The following ECD variants were observed in gnomAD, a reference collection of about 807,000 sequenced individuals.
The protein encoded by ECD is protein ecdysoneless homolog.
A neutral mutation model predicts 77.2 loss-of-function variants in ECD; 59 were observed. The ratio of observed to expected loss-of-function variants is 0.76; its 90% CI spans 0.62 to 0.95. The LOEUF (loss-of-function observed/expected upper bound fraction) is 0.95. Ranked by LOEUF, ECD falls within the 40% of genes least tolerant of loss-of-function variation. ECD has a pLI of 0.00. For missense variants in ECD, 704 were observed against 763.4 expected, an observed-to-expected ratio of 0.92 and a Z score of 0.92; for synonymous variants, 233 against 267.4, an observed-to-expected ratio of 0.87 and a Z score of 1.26.
At chr10:73,160,341 A>G (rs1438760334) in intron 3 of ECD, 93 bp downstream of exon 3, 2 of 835,322 alleles carry the variant, frequency 2.4e-6, no homozygotes, top group African/African-American at 3.6e-5. Context: ...CCAGCAGACT[A>G]CAGGAGAAAA....
chr10:73,159,090 T>G (rs1016592540), intron 3 of ECD, among the ~76,000 whole-genome samples: 2 of 152,246 alleles, frequency 1.3e-5, no homozygotes, highest in African/African-American at 4.8e-5. Flanking sequence ...CTTTAATGTA[T>G]GTTTAAAATT....
At chr10:73,144,665 C>A (rs1843101026) in intron 9 of ECD, among the ~76,000 whole-genome samples, 1 of 152,084 alleles carries the variant, frequency 6.6e-6, no homozygotes. Context: ...CCTTTACTTT[C>A]TTAATAAACA....
intron 9 of ECD, among the ~76,000 whole-genome samples, chr10:73,145,332 CTCTG>C (rs1843109774): frequency 6.6e-6 from 1 of 151,774 alleles, no homozygotes; most frequent in Non-Finnish European, 1.5e-5. Flanking sequence ...CTAAGCGAGT[CTCTG>C]TCTAAAATAA....
rs371033608 is a variant in ECD, at chr10:73,143,446, G to A, written c.1127+2830C>T. On this transcript the variant is annotated intron_variant, in intron 9 of 13. Coordinates refer to ENST00000372979, the MANE Select transcript of ECD (RefSeq NM_007265.3). Reference sequence around the variant, plus strand: ...CTCCCAAAATGCTGGCATTACAGGTGTGAGCCACTGCGCCCAGCCTGTATA... The same window carrying A: ...CTCCCAAAATGCTGGCATTACAGGTATGAGCCACTGCGCCCAGCCTGTATA... Among the ~76,000 whole-genome samples, 18 of 152,314 alleles carry A rather than the reference G, an allele frequency of 1.2e-4. No individual in the cohort carries two copies. The East Asian group carries it at 2.1e-3, about 18-fold the overall frequency.
chr10:73,158,608 C>T (rs1249263712), intron 3 of ECD, among the ~76,000 whole-genome samples: 1 of 151,794 alleles, frequency 6.6e-6, no homozygotes, highest in African/African-American at 2.4e-5. Flanking sequence ...TGGTGGTGCA[C>T]GCCCATAGCC....
chr10:73,162,554 G>T (rs555835239), intron 2 of ECD, among the ~76,000 whole-genome samples: 2 of 152,308 alleles, frequency 1.3e-5, no homozygotes, highest in South Asian at 4.1e-4. Flanking sequence ...AAAATTAACA[G>T]TAAGATATGT....
rs1425257492 is a variant in ECD at position 73,160,447 on chromosome 10, C to T, written c.310G>A (p.Glu104Lys). The T allele has an allele frequency of 2.0e-5, 32 of 1,597,544 alleles. No individual in the cohort carries two copies. Among genetic ancestry groups the T allele is most frequent in the Non-Finnish European group, 2.7e-5 (32 of 1,174,000 alleles). ...VIKQITKEFP[E>K]LVARIEDNDG... Reference sequence around the variant, plus strand: ...TAACTACAATACCTTGCTACTAACTCTGGAAATTCCTTTGTGATCTGCTTT... The same window carrying T: ...TAACTACAATACCTTGCTACTAACTTTGGAAATTCCTTTGTGATCTGCTTT... The change falls in exon 3 of 14, where the codon GAG (glutamate) becomes AAG (lysine). Residue 104 changes from glutamate to lysine, a missense_variant. By Grantham distance (56) the Glu-to-Lys change is moderately conservative. Coordinates refer to ENST00000372979, the MANE Select transcript of ECD (RefSeq NM_007265.3).
chr10:73,160,714 G>C (rs1843364683), intron 2 of ECD, among the ~76,000 whole-genome samples, 163 bp from the exon 3 acceptor site: 1 of 152,200 alleles, frequency 6.6e-6, no homozygotes, highest in African/African-American at 2.4e-5. Flanking sequence ...GAGGAGCTCA[G>C]GGTAAAACAA....
At chr10:73,166,609 CTTCT>C (rs1192176047) in intron 1 of ECD, among the ~76,000 whole-genome samples, 2 of 152,156 alleles carry the variant, frequency 1.3e-5, no homozygotes, top group East Asian at 1.9e-4. Context: ...ATTTTTATGT[CTTCT>C]TTGAGAAATG....
In ECD at chr10:73,152,001, G is replaced by T. The variant is rs941728442; in HGVS notation, c.912+292C>A. ...CTATTCAAATTATAAAAGGTTCTTG[G>T]TTTTTTTTCAAATTGTATAGTTTCA... is the stretch of plus-strand genomic sequence containing the variant. On this transcript the variant is annotated intron_variant, in intron 7 of 13. Transcript: ENST00000372979. Among the ~76,000 whole-genome samples, 9 of 151,378 alleles carry T rather than the reference G, an allele frequency of 5.9e-5. No individual in the cohort carries two copies. The East Asian group carries it at 9.7e-4, about 16-fold the overall frequency.
At chr10:73,155,701 C>A (rs570038434) in intron 5 of ECD, among the ~76,000 whole-genome samples, 2 of 149,974 alleles carry the variant, frequency 1.3e-5, no homozygotes, top group Admixed American at 1.3e-4. Context: ...CGGGTTCAAG[C>A]GATTCTCCTT....
At chr10:73,152,143 C>T in intron 7 of ECD, 150 bp downstream of exon 7, 1 of 965,102 alleles carries the variant, frequency 1.0e-6, no homozygotes, top group Non-Finnish European at 1.5e-6. Context: ...ACTAAGTAAT[C>T]CATTTTTTTC....
chr10:73,166,286 G>C (rs933002801), intron 1 of ECD, among the ~76,000 whole-genome samples: 4 of 152,110 alleles, frequency 2.6e-5, no homozygotes, highest in African/African-American at 7.2e-5. Flanking sequence ...CGATAAACAT[G>C]GGAGTGCAGA....
intron 13 of ECD, among the ~76,000 whole-genome samples, chr10:73,135,920 G>A (rs967730493): frequency 6.6e-6 from 1 of 152,008 alleles, no homozygotes; most frequent in Non-Finnish European, 1.5e-5. Flanking sequence ...GACAATTCTG[G>A]AAGTGACTAT....
chr10:73,142,398 G>A lies in ECD; in HGVS notation c.1128-2661C>T, dbSNP rs1271829576. Among the ~76,000 whole-genome samples, 3 of 152,012 alleles carry A rather than the reference G, an allele frequency of 2.0e-5. No homozygotes were observed. The East Asian group carries it at 5.8e-4, about 29-fold the overall frequency. On this transcript the variant is annotated intron_variant, in intron 9 of 13. Transcript: ENST00000372979. Reference sequence around the variant, plus strand: ...GAGATGTAATCCCAGCACTTTGGGAGGCTGAGGAGGGCAGATCACAGGTCA... The same window carrying A: ...GAGATGTAATCCCAGCACTTTGGGAAGCTGAGGAGGGCAGATCACAGGTCA...
Position 73,163,835 on chromosome 10 carries a change from G to C in ECD, c.103C>G (p.Leu35Val), listed in dbSNP as rs146885350. 2 of 1,614,164 alleles carry C rather than the reference G, an allele frequency of 1.2e-6. No homozygotes were observed. The highest frequency in any genetic ancestry group is 1.7e-6 in the Non-Finnish European group (2 of 1,180,014). Residue 35 changes from leucine (L) to valine (V), a missense_variant, in exon 2 of 14, where the codon CTT becomes GTT. Physicochemically the swap from Leu to Val is conservative, Grantham distance 32. Transcript: ENST00000372979. ...SRDSDKHKEI[L>V]QKYIERIITR... The stretch of plus-strand genomic sequence containing the variant: ...ATTATTCTCTCAATGTACTTCTGAA[G>C]AATCTCTTTATGTTTATCTGAGTCC...
Position 73,156,381 on chromosome 10 carries a change from T to C in ECD, c.484A>G (p.Thr162Ala). 6.2e-7 allele frequency: 1 copy of C among 1,613,670 alleles called. No homozygotes were observed. Among genetic ancestry groups the C allele is most frequent in the East Asian group, 2.2e-5 (1 of 44,880 alleles). ...RKSGAESWLP[T>A]TPPTIPQALN... ...GCTTGTGGAATTGTTGGGGGTGTGG[T>C]GGGTAACCAAGATTCTGCTCCAGAT... The change falls in exon 5 of 14, where the codon ACC becomes GCC. Residue 162 changes from threonine (T) to alanine (A), a missense_variant. Physicochemically the swap from Thr to Ala is moderately conservative, Grantham distance 58 (BLOSUM62 0). Coordinates refer to ENST00000372979, the MANE Select transcript of ECD (RefSeq NM_007265.3).
intron 13 of ECD, among the ~76,000 whole-genome samples, chr10:73,136,296 A>C (rs903496808): frequency 6.6e-6 from 1 of 152,190 alleles, no homozygotes; most frequent in Admixed American, 6.5e-5. Flanking sequence ...TTATTTACTT[A>C]TGTTATTTTG....
rs141957051 is a variant in ECD, at chr10:73,166,781, T to C, written c.-14+1085A>G. 8.5e-5 allele frequency among the ~76,000 whole-genome samples: 13 copies of C among 152,340 alleles called. No individual in the cohort carries two copies. In the East Asian group the frequency reaches 2.5e-3, roughly 29 times the overall value. On this transcript the variant is annotated intron_variant, in intron 1 of 13. Coordinates refer to ENST00000372979, the MANE Select transcript of ECD (RefSeq NM_007265.3). ...GTGGGTTCTCTCTCCACTTTGTTGA[T>C]TGTTTCCTTTGCTGTGCAGAAGCTT... is the stretch of plus-strand genomic sequence containing the variant.
Sources: gnomAD v4.1 joint callset for allele counts (sites outside exome capture counted in the v4.1 genomes callset) on GRCh38, gnomAD v4.1.1 for gene constraint, MANE v1.5 for transcripts, NCBI Gene and HGNC (gene_info 2026-07-23, HGNC 2026-07-21) for gene names.